Variants in NFAM1 observed in about 807,000 individuals in gnomAD.
NFAM1 encodes NFAT activating protein with ITAM motif 1, also known as NFAT activation molecule 1.
In NFAM1, 17 loss-of-function variants were observed where a neutral mutation model predicts 29.0. The ratio of observed to expected loss-of-function variants is 0.59; its 90% CI spans 0.40 to 0.88. The LOEUF (loss-of-function observed/expected upper bound fraction) is 0.88. Ranked by LOEUF, NFAM1 falls within the 40% of genes least tolerant of loss-of-function variation. NFAM1 has a pLI of 0.00. For synonymous variants in NFAM1, 175 were observed against 147.2 expected, an observed-to-expected ratio of 1.19 and a Z score of -1.36; for missense variants, 324 against 344.6, an observed-to-expected ratio of 0.94 and a Z score of 0.47.
At chr22:42,432,737 T>C (rs17003081), upstream of NFAM1, among the ~76,000 whole-genome samples, 3,437 of 152,276 alleles carry the variant, frequency 0.023, 116 homozygotes, top group African/African-American at 0.079. Flanking sequence ...TCTGAAACAC[T>C]TTTAAAACGA....
chr22:42,409,855 C>T lies in NFAM1; in HGVS notation c.452-308G>A, dbSNP rs984619182. 2.6e-5 allele frequency among the ~76,000 whole-genome samples: 4 copies of T among 152,190 alleles called. No homozygotes were observed. Among genetic ancestry groups the T allele is most frequent in the Non-Finnish European group, 5.9e-5 (4 of 68,034 alleles). On this transcript the variant is annotated intron_variant, in intron 2 of 5. Transcript: ENST00000329021. This position sits in a 1 kb window ranked among gnomAD's most constrained non-coding sequence, Gnocchi z 4.9. ...GAGCGAGATGTCTCCCCTCTCGGGG[C>T]CTCTTCTTTTCCCTGTGTGAGGTGG...
chr22:42,398,348 G>A (rs923349961), intron 3 of NFAM1, among the ~76,000 whole-genome samples: 4 of 137,432 alleles, frequency 2.9e-5, no homozygotes, highest in South Asian at 2.3e-4. Flanking sequence ...CTCTGGCCTC[G>A]AGCGAGCCAG....
At chr22:42,431,186 G>T (rs925321669) in intron 1 of NFAM1, among the ~76,000 whole-genome samples, 4 of 152,218 alleles carry the variant, frequency 2.6e-5, no homozygotes, top group Non-Finnish European at 2.9e-5. Context: ...TTGAGCAAAC[G>T]AACTGGCTTC....
chr22:42,424,331 C>A (rs949407051), intron 1 of NFAM1, among the ~76,000 whole-genome samples: 1 of 151,978 alleles, frequency 6.6e-6, no homozygotes, highest in Non-Finnish European at 1.5e-5. Context: ...AGGAGAATGG[C>A]GTGAACCAGG....
chr22:42,393,387 A>G (rs189740928), intron 4 of NFAM1, among the ~76,000 whole-genome samples: 1 of 151,696 alleles, frequency 6.6e-6, no homozygotes. Context: ...TCATGAAAAA[A>G]ATTATTTATT....
At chr22:42,422,266 A>C (rs1601759658) in intron 1 of NFAM1, among the ~76,000 whole-genome samples, 1 of 152,134 alleles carries the variant, frequency 6.6e-6, no homozygotes, top group East Asian at 1.9e-4. Flanking sequence ...TAAGCCTCAC[A>C]AGGGTCAATC....
chr22:42,396,539 G>C (rs1411070733), intron 4 of NFAM1, among the ~76,000 whole-genome samples: 2 of 152,056 alleles, frequency 1.3e-5, no homozygotes, highest in African/African-American at 4.8e-5. Context: ...GGGAAAGTGA[G>C]AGTGAGAGGG....
intron 3 of NFAM1, among the ~76,000 whole-genome samples, chr22:42,407,673 T>C (rs1255542580): frequency 6.6e-6 from 1 of 152,154 alleles, no homozygotes; most frequent in African/African-American, 2.4e-5. Flanking sequence ...ACTGCAGCTT[T>C]GACCTCCTGG....
the NFAM1 span, among the ~76,000 whole-genome samples, chr22:42,437,611 C>T: frequency 6.6e-6 from 1 of 152,186 alleles, no homozygotes; most frequent in Non-Finnish European, 1.5e-5. Flanking sequence ...CACTTCCCCT[C>T]CTGGCCACGC....
intron 1 of NFAM1, among the ~76,000 whole-genome samples, chr22:42,416,470 C>T (rs1181260299): frequency 1.3e-5 from 2 of 152,140 alleles, no homozygotes; most frequent in Non-Finnish European, 2.9e-5. Context: ...CTCACATTGG[C>T]ACTGGGCACA....
intron 4 of NFAM1, among the ~76,000 whole-genome samples, chr22:42,396,091 C>T (rs546531091): frequency 6.6e-6 from 1 of 152,194 alleles, no homozygotes; most frequent in South Asian, 2.1e-4. Context: ...AGGCCCAATC[C>T]CAGTTGGTAG....
intron 1 of NFAM1, among the ~76,000 whole-genome samples, chr22:42,427,096 T>C (rs1930648730): frequency 6.6e-6 from 1 of 151,216 alleles, no homozygotes; most frequent in African/African-American, 2.4e-5. Context: ...GCCAATCTCA[T>C]GTCCATACCC....
At chr22:42,411,923 C>A (rs1930109854) in intron 1 of NFAM1, among the ~76,000 whole-genome samples, 187 bp from the exon 2 acceptor site, 1 of 152,184 alleles carries the variant, frequency 6.6e-6, no homozygotes, top group African/African-American at 2.4e-5. Context: ...CATGGTGAAA[C>A]CCCGTCTCTA....
intron 3 of NFAM1, among the ~76,000 whole-genome samples, chr22:42,398,328 C>T (rs1465261468): frequency 2.0e-5 from 3 of 151,916 alleles, no homozygotes; most frequent in Non-Finnish European, 4.4e-5. Context: ...TCTTCCTCTG[C>T]TGTCACTGGC....
rs1381971333 is a variant in NFAM1, at chr22:42,397,914, G to A, written c.607C>T (p.Pro203Ser). 1.2e-6 allele frequency: 2 copies of A among 1,612,424 alleles called. No individual in the cohort carries two copies. The highest frequency in any genetic ancestry group is 1.7e-6 in the Non-Finnish European group (2 of 1,179,016). ...GGGCTGCTGGCAGATCTTGGATCTG[G>A]GCACTTCCTGGTGGGGTCCTTCCCT... ...GPGKDPTRKC[P>S]DPRSASSPKQ... is the part of the protein sequence containing the mutation. Residue 203 changes from proline to serine, a missense_variant, in exon 4 of 6, where the codon CCA becomes TCA. Physicochemically the swap from Pro to Ser is moderately conservative, Grantham distance 74. Transcript: ENST00000329021.
At position 42,384,886 on chromosome 22, in the gene NFAM1, T is replaced by C. The variant is rs935853053; in HGVS notation, c.*275A>G. Reference sequence around the variant, plus strand: ...GGCATCCAGGAAAGCCCTTGAAGACTGAGGGGCGCTTTGCTGGTTGGGCCA... The same window carrying C: ...GGCATCCAGGAAAGCCCTTGAAGACCGAGGGGCGCTTTGCTGGTTGGGCCA... On this transcript the variant is annotated 3_prime_UTR_variant, in exon 6 of 6. Transcript: ENST00000329021. 1.8e-6 allele frequency: 1 copy of C among 541,042 alleles called. No individual in the cohort carries two copies. The highest frequency in any genetic ancestry group is 2.0e-5 in the South Asian group (1 of 49,906). 33.5% of individuals were successfully genotyped at this position (541,042 alleles called of 1,614,324 possible).
chr22:42,409,558 G>C lies in NFAM1; in HGVS notation c.452-11C>G, dbSNP rs904413107. The C allele has an allele frequency of 7.2e-7, 1 of 1,393,184 alleles. No homozygotes were observed. Among genetic ancestry groups the C allele is most frequent in the African/African-American group, 1.5e-5 (1 of 67,760 alleles). The allele number at this position is 1,393,184 out of a possible 1,614,324, so 86.3% of individuals were successfully genotyped here. ...CTCGGTACCCTGCGTCTAGGAGGAA[G>C]CGCAGGGGAGCAGAGGGGTCAGTGA... On this transcript the variant is annotated splice_polypyrimidine_tract_variant and intron_variant, in intron 2 of 5. Coordinates refer to ENST00000329021, the MANE Select transcript of NFAM1 (RefSeq NM_145912.8). The surrounding 1 kb of genome is among the most constrained non-coding windows in gnomAD (Gnocchi z 4.9).
chr22:42,395,299 C>T (rs867464153), intron 4 of NFAM1, among the ~76,000 whole-genome samples: 20 of 151,812 alleles, frequency 1.3e-4, no homozygotes, highest in South Asian at 1.2e-3. Context: ...CATGGCAAAA[C>T]CCCATTTCTA....
rs35045065 is a variant in NFAM1, at chr22:42,402,831, CT to C, written c.565-4876del. ...ACCCACACCGGTCCCTCTGTGCCTT[CT>C]TTTTTTTTTTTTTTTTTTTTTGAGA... On this transcript the variant is annotated intron_variant, in intron 3 of 5. Transcript: ENST00000329021. 1.3e-3 allele frequency among the ~76,000 whole-genome samples: 122 copies of C among 97,116 alleles called. 2 individuals carry two copies. Among genetic ancestry groups the C allele is most frequent in the South Asian group, 5.3e-3 (13 of 2,474 alleles). The allele number at this position is 97,116 out of a possible 152,430, so 63.7% of individuals were successfully genotyped here. A position where few individuals can be genotyped will look rare whatever the true frequency, so the allele number is the denominator to read the frequency against.
Sources: allele counts gnomAD v4.1 joint callset (sites outside exome capture counted in the v4.1 genomes callset), GRCh38; gene constraint gnomAD v4.1.1; non-coding constraint Gnocchi (gnomAD v3.1); transcripts MANE v1.5; gene names NCBI Gene and HGNC (gene_info 2026-07-23, HGNC 2026-07-21).